SGIP1: variants seen among roughly 807,000 people sequenced by gnomAD.
SGIP1 encodes the protein SH3GL interacting endocytic adaptor 1.
Under a neutral mutation model 107.5 loss-of-function variants are expected in SGIP1, and 38 were observed. The observed-to-expected ratio is 0.35, with a 90% CI of 0.27 to 0.46. The LOEUF (loss-of-function observed/expected upper bound fraction) is 0.46, where lower values mean the gene tolerates loss of function less well. Among genes scored for constraint, SGIP1 ranks in the 20% least tolerant of loss-of-function variants. The pLI is 1.00. For missense variants in SGIP1, 929 were observed against 1,019.5 expected, an observed-to-expected ratio of 0.91 and a Z score of 1.21; for synonymous variants, 365 against 366.1, an observed-to-expected ratio of 1.00 and a Z score of 0.03.
intron 3 of SGIP1, chr1:66,634,103 G>A: frequency 6.2e-7 from 1 of 1,609,122 alleles, no homozygotes; most frequent in Non-Finnish European, 8.5e-7. Context: ...AGACCCAGAA[G>A]ACTCAGCTTC....
intron 18 of SGIP1, among the ~76,000 whole-genome samples, chr1:66,698,974 C>A (rs993569014): frequency 6.6e-6 from 1 of 151,618 alleles, no homozygotes; most frequent in Non-Finnish European, 1.5e-5. Flanking sequence ...GGAATATAAG[C>A]TCTGTCATCT....
chr1:66,731,331 G>T (rs1557786224), intron 20 of SGIP1, among the ~76,000 whole-genome samples: 1 of 152,084 alleles, frequency 6.6e-6, no homozygotes, highest in East Asian at 1.9e-4. Context: ...TTGCCAGTTT[G>T]TTTGTAAATA....
intron 14 of SGIP1, 91 bp downstream of exon 14, chr1:66,679,843 G>A (rs2086269073): frequency 8.4e-7 from 1 of 1,184,048 alleles, no homozygotes. Context: ...AAAACTGTAG[G>A]CTACACAAAA....
intron 1 of SGIP1, among the ~76,000 whole-genome samples, chr1:66,566,891 G>A (rs2059728629): frequency 6.6e-6 from 1 of 151,880 alleles, no homozygotes; most frequent in Non-Finnish European, 1.5e-5. Flanking sequence ...GGTCCGGTGT[G>A]TGATGTTCCC....
chr1:66,656,471 G>A (rs1238955942), intron 7 of SGIP1, among the ~76,000 whole-genome samples: 6 of 152,246 alleles, frequency 3.9e-5, no homozygotes, highest in African/African-American at 9.6e-5. Context: ...CAGCACAGGC[G>A]GTTTGTTTAC....
chr1:66,720,306 A>G (rs536466781), intron 19 of SGIP1, among the ~76,000 whole-genome samples: 47 of 152,362 alleles, frequency 3.1e-4, no homozygotes, highest in Admixed American at 2.7e-3. Context: ...CTTATTTTCA[A>G]TAGTGTCATT....
At chr1:66,565,060 A>G (rs1222288021) in intron 1 of SGIP1, among the ~76,000 whole-genome samples, 1 of 151,988 alleles carries the variant, frequency 6.6e-6, no homozygotes. Context: ...CAGACAGTAG[A>G]TGTAAAACCA....
At chr1:66,695,644 A>G (rs1162366714) in intron 18 of SGIP1, 151 bp downstream of exon 18, 3 of 708,372 alleles carry the variant, frequency 4.2e-6, no homozygotes, top group East Asian at 5.6e-5. Context: ...ATTAAACACT[A>G]AAGGAAATAT....
chr1:66,595,393 G>A (rs1371238731), intron 1 of SGIP1, among the ~76,000 whole-genome samples: 2 of 152,178 alleles, frequency 1.3e-5, no homozygotes, highest in South Asian at 2.1e-4. Context: ...GAAGTAAAAT[G>A]TATTTGTGAT....
At chr1:66,672,664 A>G (rs571567139) in intron 11 of SGIP1, among the ~76,000 whole-genome samples, 2 of 152,200 alleles carry the variant, frequency 1.3e-5, no homozygotes, top group Non-Finnish European at 2.9e-5. Context: ...TTTTCTTAAT[A>G]ATCAGTCTGG....
intron 17 of SGIP1, among the ~76,000 whole-genome samples, chr1:66,692,488 T>C (rs2090078177): frequency 6.6e-6 from 1 of 152,188 alleles, no homozygotes; most frequent in Non-Finnish European, 1.5e-5. Context: ...CAGCCACTTT[T>C]CTCCGAAGTA....
chr1:66,582,546 G>A (rs993105306), intron 1 of SGIP1, among the ~76,000 whole-genome samples: 3 of 151,218 alleles, frequency 2.0e-5, no homozygotes, highest in African/African-American at 4.8e-5. Flanking sequence ...TTTTTGTAAA[G>A]GGCTTTGCCA....
In SGIP1 at chr1:66,739,498, G is replaced by A. The variant is rs770871789; in HGVS notation, c.2195G>A (p.Gly732Glu). The A allele has an allele frequency of 6.2e-7, 1 of 1,614,108 alleles. No individual in the cohort carries two copies. The highest frequency in any genetic ancestry group is 1.1e-5 in the South Asian group (1 of 91,072). ...NVQFLVPIDG[G>E]VTKLQAVLPP... The stretch of plus-strand genomic sequence containing the variant: ...CAGTTCCTGGTCCCCATCGACGGAG[G>A]AGTCACCAAGCTCCAGGCAGTGCTC... Residue 732 changes from glycine (G) to glutamate (E), a missense_variant, in exon 22 of 25, where the codon GGA becomes GAA. Physicochemically the swap from Gly to Glu is moderately conservative, Grantham distance 98 (BLOSUM62 -2). Transcript: ENST00000371037.
chr1:66,628,216 A>T (rs151209519), intron 2 of SGIP1, among the ~76,000 whole-genome samples: 2,108 of 152,220 alleles, frequency 0.014, 28 homozygotes, highest in Middle Eastern at 0.031. Context: ...ATACGTGTGC[A>T]TGTGTCTTTA....
At chr1:66,575,278 C>A (rs2148660277) in intron 1 of SGIP1, among the ~76,000 whole-genome samples, 2 of 152,230 alleles carry the variant, frequency 1.3e-5, no homozygotes, top group South Asian at 4.2e-4. Flanking sequence ...ATAAGACTGC[C>A]AGTGATAGAA....
intron 1 of SGIP1, among the ~76,000 whole-genome samples, chr1:66,535,630 G>T (rs571483133): frequency 4.6e-5 from 7 of 152,324 alleles, no homozygotes; most frequent in African/African-American, 1.7e-4. Flanking sequence ...AGCCTTAAAA[G>T]AGAGGTTGGG....
intron 7 of SGIP1, among the ~76,000 whole-genome samples, chr1:66,654,535 A>G (rs2079360178): frequency 6.6e-6 from 1 of 152,130 alleles, no homozygotes; most frequent in Admixed American, 6.5e-5. Context: ...AATAAGCATA[A>G]CAGTATAAGA....
chr1:66,707,041 G>C (rs1229502763), intron 18 of SGIP1, among the ~76,000 whole-genome samples: 6 of 152,026 alleles, frequency 3.9e-5, no homozygotes, highest in Admixed American at 3.9e-4. Flanking sequence ...CATTTTTGAT[G>C]TTTTGGTGAA....
At chr1:66,657,743 C>A (rs904476509) in intron 7 of SGIP1, among the ~76,000 whole-genome samples, 1 of 152,234 alleles carries the variant, frequency 6.6e-6, no homozygotes, top group African/African-American at 2.4e-5. Context: ...TACTTTGTAA[C>A]CATTCAATGG....
Sources: allele counts gnomAD v4.1 joint callset (sites outside exome capture counted in the v4.1 genomes callset), GRCh38; gene constraint gnomAD v4.1.1; transcripts MANE v1.5; gene names NCBI Gene and HGNC (gene_info 2026-07-23, HGNC 2026-07-21).